Variants in HABP4 observed in about 807,000 individuals in gnomAD.
HABP4 encodes hyaluronan binding protein 4, also known as intracellular hyaluronan-binding protein 4.
Under a neutral mutation model 44.1 loss-of-function variants are expected in HABP4, and 32 were observed. The observed-to-expected ratio is 0.73, with a 90% confidence interval of 0.55 to 0.97. The LOEUF (loss-of-function observed/expected upper bound fraction) is 0.97. Among genes scored for constraint, HABP4 ranks in the 50% least tolerant of loss-of-function variants. HABP4 has a pLI of 0.00. For synonymous variants in HABP4, 216 were observed against 218.0 expected, an observed-to-expected ratio of 0.99 and a Z score of 0.08; for missense variants, 503 against 561.9, an observed-to-expected ratio of 0.90 and a Z score of 1.06.
intron 4 of HABP4, among the ~76,000 whole-genome samples, chr9:96,467,527 CTTT>C (rs566272718): frequency 1.7e-5 from 2 of 118,118 alleles, no homozygotes; most frequent in Non-Finnish European, 3.6e-5. Context: ...TCTTTTTTTC[CTTT>C]TTTTTTTTTT....
intron 2 of HABP4, among the ~76,000 whole-genome samples, chr9:96,459,623 A>G (rs546503169): frequency 3.5e-4 from 54 of 152,356 alleles, no homozygotes; most frequent in Middle Eastern, 3.4e-3. Flanking sequence ...TTATATGTCA[A>G]GGGAGCCATT....
In HABP4 at chr9:96,488,618, A is replaced by G. The variant is rs1833017685; in HGVS notation, c.1185+344A>G. Among the ~76,000 whole-genome samples, 1 of 152,116 alleles carries G rather than the reference A, an allele frequency of 6.6e-6. No individual in the cohort carries two copies. The highest frequency in any genetic ancestry group is 1.5e-5 in the Non-Finnish European group (1 of 68,000). ...TGATTGTGTGCCTTGGGCTCAGGTG[A>G]TGCTGTCAGAGTGGACAGAATCCTC... On this transcript the variant is annotated intron_variant, in intron 7 of 7. Coordinates refer to ENST00000375249, the MANE Select transcript of HABP4 (RefSeq NM_014282.4). This position sits in a 1 kb window ranked among gnomAD's most constrained non-coding sequence, Gnocchi z 4.6.
chr9:96,458,306 T>G (rs1832435037), intron 1 of HABP4, 73 bp from the exon 2 acceptor site: 1 of 1,367,368 alleles, frequency 7.3e-7, no homozygotes, highest in African/African-American at 1.4e-5. Flanking sequence ...AATTTACAAG[T>G]ACCTGTAAAG....
intron 6 of HABP4, 61 bp downstream of exon 6, chr9:96,484,694 G>A (rs1042080391): frequency 1.2e-5 from 11 of 898,294 alleles, no homozygotes; most frequent in African/African-American, 6.6e-5. Context: ...GAAGTGAAAT[G>A]TACCTTTCCA....
chr9:96,452,869 C>T (rs13292617), intron 1 of HABP4, among the ~76,000 whole-genome samples: 1 of 146,904 alleles, frequency 6.8e-6, no homozygotes, highest in Non-Finnish European at 1.5e-5. Context: ...AATGTTAATC[C>T]TGAAAGAATG....
At chr9:96,467,415 A>G (rs1299818694) in intron 4 of HABP4, among the ~76,000 whole-genome samples, 1 of 151,902 alleles carries the variant, frequency 6.6e-6, no homozygotes, top group Non-Finnish European at 1.5e-5. Context: ...CAGATCTTTT[A>G]ATTTTGTTTT....
intron 2 of HABP4, among the ~76,000 whole-genome samples, chr9:96,464,454 G>A (rs1327406478): frequency 1.3e-5 from 2 of 152,210 alleles, no homozygotes; most frequent in African/African-American, 2.4e-5. Context: ...ATGGGTATCC[G>A]TATAGAGCAC....
At chr9:96,455,666 C>T (rs891170895) in intron 1 of HABP4, among the ~76,000 whole-genome samples, 2 of 150,684 alleles carry the variant, frequency 1.3e-5, no homozygotes, top group South Asian at 2.1e-4. Context: ...CTCAGGAGGC[C>T]GAGGCAGTAG....
intron 4 of HABP4, among the ~76,000 whole-genome samples, chr9:96,470,102 G>C (rs1832668907): frequency 6.6e-6 from 1 of 152,140 alleles, no homozygotes; most frequent in Non-Finnish European, 1.5e-5. Context: ...GAGCCCAGGA[G>C]TTCAAGACCA....
rs780376781 is a variant in HABP4 at position 96,488,172 on chromosome 9, T to C, written c.1083T>C (p.Phe361=). The part of the protein sequence containing the change: ...NDITSQLEIN[F]GNLPRPGRGA... ...TCACATCCCAGCTGGAGATTAATTT[T>C]GGTAACCTCCCTCGTCCTGGGCGTG... is the stretch of plus-strand genomic sequence containing the variant. Residue 361 remains phenylalanine (F), a synonymous_variant, in exon 7 of 8, where the codon TTT becomes TTC. Coordinates refer to ENST00000375249, the MANE Select transcript of HABP4 (RefSeq NM_014282.4). This position sits in a 1 kb window ranked among gnomAD's most constrained non-coding sequence, Gnocchi z 4.6. 1 of 1,613,004 alleles carries C rather than the reference T, an allele frequency of 6.2e-7. No homozygotes were observed.
intron 5 of HABP4, chr9:96,483,574 A>G (rs1356778040): frequency 6.6e-6 from 1 of 152,194 alleles, no homozygotes; most frequent in African/African-American, 2.4e-5. Context: ...TTCTTTATGT[A>G]TTCTAGATAC....
chr9:96,450,652 C>T lies in HABP4; in HGVS notation c.349+24C>T, dbSNP rs1422797761. The T allele has an allele frequency of 7.2e-6, 9 of 1,253,412 alleles. No individual in the cohort carries two copies. Among genetic ancestry groups the T allele is most frequent in the Non-Finnish European group, 9.0e-6 (9 of 997,692 alleles). The allele number at this position is 1,253,412 out of a possible 1,614,324, so 77.6% of individuals were successfully genotyped here. A position where few individuals can be genotyped will look rare whatever the true frequency, so the allele number is the denominator to read the frequency against. On this transcript the variant is annotated intron_variant, in intron 1 of 7. Transcript: ENST00000375249. This position sits in a 1 kb window ranked among gnomAD's most constrained non-coding sequence, Gnocchi z 4.8. ...GGGTACGCGGGGACAGCGGGGTTAGCGGACCACGGCTCGGCCCGCTGTGAG... is the reference window on the plus strand; with the variant it reads ...GGGTACGCGGGGACAGCGGGGTTAGTGGACCACGGCTCGGCCCGCTGTGAG...
intron 5 of HABP4, among the ~76,000 whole-genome samples, chr9:96,477,034 A>T (rs149910646): frequency 1.6e-4 from 25 of 152,360 alleles, no homozygotes; most frequent in African/African-American, 5.5e-4. Context: ...CTTGCATTTC[A>T]TATATACCTT....
chr9:96,481,760 A>G (rs1832883514), intron 5 of HABP4, among the ~76,000 whole-genome samples: 1 of 152,160 alleles, frequency 6.6e-6, no homozygotes, highest in Non-Finnish European at 1.5e-5. Context: ...AAACAAATAA[A>G]TGAGTAAACG....
chr9:96,466,168 G>A (rs964309131), intron 4 of HABP4, among the ~76,000 whole-genome samples: 1 of 152,082 alleles, frequency 6.6e-6, no homozygotes, highest in Non-Finnish European at 1.5e-5. Context: ...TCGGGAGTTT[G>A]AGACCAGCCT....
At chr9:96,453,920 G>C (rs781096722) in intron 1 of HABP4, among the ~76,000 whole-genome samples, 4 of 152,150 alleles carry the variant, frequency 2.6e-5, no homozygotes, top group Non-Finnish European at 5.9e-5. Flanking sequence ...TTTTGGGAGA[G>C]TTGGGAAGGA....
rs138375657 is a variant in HABP4, at chr9:96,458,409, A to G, written c.380A>G (p.Gln127Arg). Residue 127 changes from glutamine to arginine, a missense_variant, in exon 2 of 8, where the codon CAG (glutamine) becomes CGG (arginine). Gln to Arg is a conservative substitution (Grantham distance 43). Transcript: ENST00000375249. ...AAGCGGACTCCTAGAAGAGGGGAGC[A>G]GCAAGGATGGAATGACAGCCGTGGG... is the stretch of plus-strand genomic sequence containing the variant. ...GQKRTPRRGE[Q>R]QGWNDSRGPE... 22 of 1,614,016 alleles carry G rather than the reference A, an allele frequency of 1.4e-5. No individual in the cohort carries two copies. The African/African-American group carries it at 2.4e-4, about 18-fold the overall frequency.
chr9:96,453,033 G>A (rs1057422328), intron 1 of HABP4, among the ~76,000 whole-genome samples: 6 of 136,260 alleles, frequency 4.4e-5, no homozygotes, highest in African/African-American at 1.7e-4. Context: ...CGATTCTCCT[G>A]CCTCAGCCTC....
At position 96,450,549 on chromosome 9, in the gene HABP4, G is replaced by T. The variant is rs1233412694; in HGVS notation, c.270G>T (p.Glu90Asp). 1 of 1,260,218 alleles carries T rather than the reference G, an allele frequency of 7.9e-7. No individual in the cohort carries two copies. The highest frequency in any genetic ancestry group is 1.6e-5 in the African/African-American group (1 of 64,344). The allele number at this position is 1,260,218 out of a possible 1,614,324, so 78.1% of individuals were successfully genotyped here. A position where few individuals can be genotyped will look rare whatever the true frequency, so the allele number is the denominator to read the frequency against. Residue 90 changes from glutamate to aspartate, a missense_variant, in exon 1 of 8, where the codon GAG becomes GAT. Coordinates refer to ENST00000375249, the MANE Select transcript of HABP4 (RefSeq NM_014282.4). The surrounding 1 kb of genome is among the most constrained non-coding windows in gnomAD (Gnocchi z 4.8). ...GAGCCGGCGCGGGCGGCCGGAGGGA[G>T]TCGCAGAAGGAGCGCAAGAGCCTCC... is the stretch of plus-strand genomic sequence containing the variant. ...GHRAGAGGRR[E>D]SQKERKSLPA...
Sources: gnomAD v4.1 joint callset for allele counts (sites outside exome capture counted in the v4.1 genomes callset) on GRCh38, gnomAD v4.1.1 for gene constraint, Gnocchi (gnomAD v3.1) non-coding constraint, MANE v1.5 for transcripts, NCBI Gene and HGNC (gene_info 2026-07-23, HGNC 2026-07-21) for gene names.